THSD7B: variants seen among roughly 807,000 people sequenced by gnomAD.
The protein encoded by THSD7B is thrombospondin type-1 domain-containing protein 7B.
In THSD7B, 138 loss-of-function variants were observed where a neutral mutation model predicts 213.6. The ratio of observed to expected loss-of-function variants is 0.65; its 90% CI spans 0.56 to 0.74. The LOEUF is 0.74. Ranked by LOEUF, THSD7B falls within the 30% of genes least tolerant of loss-of-function variation. THSD7B has a pLI of 0.00. For synonymous variants in THSD7B, 742 were observed against 687.0 expected (o/e 1.08, Z -1.25); for missense variants, 1,931 against 1,991.5 (o/e 0.97, Z 0.58).
chr2:137,565,666 G>A (rs1261284199), intron 16 of THSD7B, among the ~76,000 whole-genome samples: 2 of 152,106 alleles, frequency 1.3e-5, no homozygotes, highest in Non-Finnish European at 2.9e-5. Context: ...TAGAATTTAT[G>A]TCCTTCTCAC....
Position 136,858,242 on chromosome 2 carries a change from C to T in THSD7B, c.-35-23902C>T, listed in dbSNP as rs181841745. Among the ~76,000 whole-genome samples, 11 of 152,248 alleles carry T rather than the reference C, an allele frequency of 7.2e-5. 2 individuals are homozygous for T. The highest frequency in any genetic ancestry group is 7.2e-4 in the Admixed American group (11 of 15,294). ...ATTCTAGTCTTGGGCAGCATATTTT[C>T]ACTGTTTCTGGAATCCTTCCTTTTG... On this transcript the variant is annotated intron_variant, in intron 1 of 27. Transcript: ENST00000409968.
At chr2:137,529,283 A>G (rs1406011103) in intron 15 of THSD7B, among the ~76,000 whole-genome samples, 2 of 152,108 alleles carry the variant, frequency 1.3e-5, no homozygotes, top group African/African-American at 4.8e-5. Flanking sequence ...ACATGAATGA[A>G]AGAATGAATG....
At chr2:137,271,030 GTATTAA>G (rs1682720842) in intron 10 of THSD7B, among the ~76,000 whole-genome samples, 2 of 152,082 alleles carry the variant, frequency 1.3e-5, no homozygotes, top group African/African-American at 4.8e-5. Context: ...GGGTCTTCTA[GTATTAA>G]TGATTTTTTT....
chr2:137,214,757 T>C (rs989372705), intron 7 of THSD7B, among the ~76,000 whole-genome samples: 2 of 152,180 alleles, frequency 1.3e-5, no homozygotes, highest in African/African-American at 4.8e-5. Flanking sequence ...GCAAAGGACA[T>C]GAGCGCATCC....
At chr2:137,159,490 A>AT (rs1363393204) in intron 5 of THSD7B, among the ~76,000 whole-genome samples, 1 of 151,822 alleles carries the variant, frequency 6.6e-6, no homozygotes, top group African/African-American at 2.4e-5. Flanking sequence ...AGAAAAAAAA[A>AT]GCATCTGCAT....
At chr2:137,646,110 C>A (rs1273040079) in intron 21 of THSD7B, among the ~76,000 whole-genome samples, 1 of 152,154 alleles carries the variant, frequency 6.6e-6, no homozygotes, top group African/African-American at 2.4e-5. Context: ...AATGTGGGAA[C>A]GACTGTGTGC....
intron 12 of THSD7B, among the ~76,000 whole-genome samples, chr2:137,354,467 T>A (rs1558767562): frequency 6.6e-6 from 1 of 152,158 alleles, no homozygotes; most frequent in Non-Finnish European, 1.5e-5. Context: ...GTATTTTTCT[T>A]TAATAATCAT....
At chr2:137,614,354 T>C (rs1372829697) in intron 17 of THSD7B, among the ~76,000 whole-genome samples, 1 of 152,132 alleles carries the variant, frequency 6.6e-6, no homozygotes, top group Non-Finnish European at 1.5e-5. Flanking sequence ...TTGTTCAAGG[T>C]TACATAGTAA....
chr2:137,356,371 C>G (rs141249491), intron 12 of THSD7B, among the ~76,000 whole-genome samples: 96 of 152,194 alleles, frequency 6.3e-4, no homozygotes, highest in African/African-American at 2.1e-3. Context: ...TCTCAAACAC[C>G]AAGCATCAGA....
At chr2:137,138,974 C>T (rs138177852) in intron 5 of THSD7B, among the ~76,000 whole-genome samples, 37 of 152,212 alleles carry the variant, frequency 2.4e-4, no homozygotes, top group African/African-American at 8.9e-4. Flanking sequence ...ATGTTATTTT[C>T]CCTACTGTCC....
chr2:137,058,198 G>A (rs1687204861), intron 3 of THSD7B, among the ~76,000 whole-genome samples: 1 of 152,064 alleles, frequency 6.6e-6, no homozygotes, highest in African/African-American at 2.4e-5. Context: ...CTTCACAAAT[G>A]AGTATATTTT....
chr2:137,114,262 G>A (rs956363831), intron 4 of THSD7B, among the ~76,000 whole-genome samples: 2 of 152,212 alleles, frequency 1.3e-5, no homozygotes, highest in Admixed American at 6.5e-5. Context: ...GTCTCTCAGT[G>A]TTTTTACGAA....
chr2:137,338,785 A>T (rs1029267591), intron 12 of THSD7B, among the ~76,000 whole-genome samples: 14 of 152,138 alleles, frequency 9.2e-5, no homozygotes, highest in African/African-American at 3.4e-4. Flanking sequence ...TTAATCAATT[A>T]CAAAGCCTCT....
At chr2:137,277,130 G>C (rs1296382995) in intron 12 of THSD7B, among the ~76,000 whole-genome samples, 1 of 151,960 alleles carries the variant, frequency 6.6e-6, no homozygotes, top group Non-Finnish European at 1.5e-5. Context: ...GTTAAAAAAT[G>C]CCAACTTTAT....
At chr2:137,492,859 A>C (rs1679452471) in intron 15 of THSD7B, among the ~76,000 whole-genome samples, 2 of 151,890 alleles carry the variant, frequency 1.3e-5, no homozygotes, top group African/African-American at 4.8e-5. Context: ...GTGGTGGCTC[A>C]CACTATAATC....
At chr2:137,024,023 C>A (rs749396367) in intron 2 of THSD7B, among the ~76,000 whole-genome samples, 1 of 151,764 alleles carries the variant, frequency 6.6e-6, no homozygotes, top group East Asian at 1.9e-4. Context: ...GAAGATGTTA[C>A]GGAAAAGGCC....
chr2:137,388,382 G>GT (rs1685942820), intron 12 of THSD7B, among the ~76,000 whole-genome samples: 1 of 151,378 alleles, frequency 6.6e-6, no homozygotes, highest in East Asian at 1.9e-4. Context: ...TTCTTTTTGA[G>GT]TTTTTTTATT....
intron 10 of THSD7B, among the ~76,000 whole-genome samples, chr2:137,243,553 A>G (rs1275228362): frequency 6.6e-6 from 1 of 152,262 alleles, no homozygotes; most frequent in Non-Finnish European, 1.5e-5. Flanking sequence ...GCAGTTCTGC[A>G]GAGAAAAAAG....
chr2:137,279,690 T>C (rs1168739838), intron 12 of THSD7B, among the ~76,000 whole-genome samples: 1 of 152,166 alleles, frequency 6.6e-6, no homozygotes, highest in Non-Finnish European at 1.5e-5. Context: ...TGTTTTATAC[T>C]GTATGAAGAA....
Sources: allele counts gnomAD v4.1 joint callset (sites outside exome capture counted in the v4.1 genomes callset), GRCh38; gene constraint gnomAD v4.1.1; transcripts MANE v1.5; gene names NCBI Gene and HGNC (gene_info 2026-07-23, HGNC 2026-07-21).